TSHZ1: variants seen among roughly 807,000 people sequenced by gnomAD.
TSHZ1 encodes teashirt homolog 1.
TSHZ1 carries 12 observed loss-of-function variants against 67.1 expected under a neutral mutation model. The observed-to-expected ratio is 0.18, with a 90% CI of 0.11 to 0.29. The LOEUF is 0.29. Ranked by LOEUF, TSHZ1 falls within the 10% of genes least tolerant of loss-of-function variation. The pLI is 1.00. For missense variants in TSHZ1, 1,305 were observed against 1,413.9 expected, an observed-to-expected ratio of 0.92 and a Z score of 1.23; for synonymous variants, 632 against 622.4, an observed-to-expected ratio of 1.02 and a Z score of -0.23.
intron 1 of TSHZ1, among the ~76,000 whole-genome samples, chr18:75,224,061 T>TA (rs11347694): frequency 2.0e-4 from 23 of 117,868 alleles, no homozygotes; most frequent in African/African-American, 4.7e-4. Flanking sequence ...TTTAAACTTG[T>TA]AAAAAAAAAA....
intron 1 of TSHZ1, among the ~76,000 whole-genome samples, chr18:75,231,444 C>T (rs2022997764): frequency 6.6e-6 from 1 of 152,244 alleles, no homozygotes; most frequent in Non-Finnish European, 1.5e-5. Flanking sequence ...CTGTGAGTCT[C>T]ATTAGCATTG....
At chr18:75,228,572 C>T (rs765946634) in intron 1 of TSHZ1, among the ~76,000 whole-genome samples, 2 of 152,220 alleles carry the variant, frequency 1.3e-5, no homozygotes, top group South Asian at 2.1e-4. Context: ...GTGGGGAGAA[C>T]GCACAGTTAT....
In TSHZ1 at chr18:75,212,004, G is replaced by A. The variant is rs985700800; in HGVS notation, c.40+88G>A. On this transcript the variant is annotated intron_variant, in intron 1 of 1. Transcript: ENST00000580243. ...TCGCGGGCCGAGGTGCGGGACGTGG[G>A]CCGCGGGCCGCCCCAAGCTGGGGAG... The A allele has an allele frequency of 8.7e-6, 9 of 1,029,622 alleles. No individual in the cohort carries two copies. The African/African-American group carries it at 1.0e-4, about 12-fold the overall frequency. 63.8% of individuals were successfully genotyped at this position (1,029,622 alleles called of 1,614,324 possible). A position where few individuals can be genotyped will look rare whatever the true frequency, so the allele number is the denominator to read the frequency against.
At position 75,287,968 on chromosome 18, in the gene TSHZ1, A is replaced by T; in HGVS notation, c.2561A>T (p.Lys854Met). 1.2e-6 allele frequency: 2 copies of T among 1,614,170 alleles called. No homozygotes were observed. The highest frequency in any genetic ancestry group is 1.7e-6 in the Non-Finnish European group (2 of 1,180,026). Residue 854 changes from lysine to methionine, a missense_variant, in exon 2 of 2, where the codon AAG becomes ATG. By Grantham distance (95) the Lys-to-Met change is moderately conservative. This residue lies in a region of TSHZ1 where 909 missense variants were observed against 961.8 expected (regional missense o/e 0.95). Coordinates refer to ENST00000580243, the MANE Select transcript of TSHZ1 (RefSeq NM_001308210.2). The surrounding 1 kb of genome is among the most constrained non-coding windows in gnomAD (Gnocchi z 5.0). ...AACCTCACAGGCCGCCTGACGCCCA[A>T]GTCCTCCACGCCCTCCACAGTTTCA... ...VKNLTGRLTP[K>M]SSTPSTVSEK...
intron 1 of TSHZ1, among the ~76,000 whole-genome samples, chr18:75,222,175 G>T (rs1387175793): frequency 6.6e-6 from 1 of 151,982 alleles, no homozygotes; most frequent in South Asian, 2.1e-4. Context: ...GTTAGAGGGG[G>T]GTTGTGCTAC....
chr18:75,258,008 A>T, intron 1 of TSHZ1, among the ~76,000 whole-genome samples: 1 of 151,986 alleles, frequency 6.6e-6, no homozygotes, highest in East Asian at 1.9e-4. Context: ...GGAAGAGAGG[A>T]ATTCCCGGCC....
At chr18:75,232,793 A>T (rs2023016963) in intron 1 of TSHZ1, among the ~76,000 whole-genome samples, 2 of 152,244 alleles carry the variant, frequency 1.3e-5, no homozygotes, top group African/African-American at 4.8e-5. Context: ...TTTAGTGCAT[A>T]TACTGTATAT....
At position 75,211,007 on chromosome 18, in the gene TSHZ1, G is replaced by GA. The variant is rs1329470010; in HGVS notation, c.-870_-869insA. The GA allele has an allele frequency of 6.6e-6, 1 of 151,030 alleles. No homozygotes were observed. The highest frequency in any genetic ancestry group is 2.4e-5 in the African/African-American group (1 of 40,902). 9.4% of individuals were successfully genotyped at this position (151,030 alleles called of 1,614,324 possible). On this transcript the variant is annotated 5_prime_UTR_variant, in exon 1 of 2. The change creates a premature stop within an existing upstream ORF in the 5' untranslated region. Transcript: ENST00000580243. The stretch of plus-strand genomic sequence containing the variant: ...GTTGCCTTTTTTTTTTCTTGGAGGG[G>GA]GGGGTGCTTTTTGTGTATTTTTCAA...
At chr18:75,251,960 A>T (rs2023309637) in intron 1 of TSHZ1, among the ~76,000 whole-genome samples, 1 of 152,236 alleles carries the variant, frequency 6.6e-6, no homozygotes, top group South Asian at 2.1e-4. Flanking sequence ...AAAGAAAAAA[A>T]TTTAAAAATT....
rs1599024173 is a variant in TSHZ1 at position 75,219,778 on chromosome 18, C to T, written c.40+7862C>T. On this transcript the variant is annotated intron_variant, in intron 1 of 1. Transcript: ENST00000580243. ...TTCTAATAAGAAAATAAATGAGGGT[C>T]ATTCTTTGCACACGTGACACGAGTT... Among the ~76,000 whole-genome samples the T allele has an allele frequency of 2.0e-5, 3 of 152,328 alleles. 1 individual carries two copies. The highest frequency in any genetic ancestry group is 2.0e-4 in the Admixed American group (3 of 15,308).
intron 1 of TSHZ1, among the ~76,000 whole-genome samples, chr18:75,213,700 T>C (rs926366606): frequency 2.6e-5 from 4 of 152,192 alleles, no homozygotes; most frequent in Admixed American, 6.5e-5. Context: ...CTGGCAGCTC[T>C]TACATAAAAA....
chr18:75,264,419 T>C (rs2023466205), intron 1 of TSHZ1, among the ~76,000 whole-genome samples: 1 of 152,160 alleles, frequency 6.6e-6, no homozygotes, highest in African/African-American at 2.4e-5. Flanking sequence ...GCGGGTGGTG[T>C]TTCTGTGCCT....
chr18:75,230,407 A>G (rs1447414211), intron 1 of TSHZ1, among the ~76,000 whole-genome samples: 1 of 152,216 alleles, frequency 6.6e-6, no homozygotes, highest in Non-Finnish European at 1.5e-5. Context: ...ACAGGAAACA[A>G]AAACAGAAGT....
Position 75,286,115 on chromosome 18 carries a change from C to T in TSHZ1, c.708C>T (p.Tyr236=), listed in dbSNP as rs147174376. 125 of 1,612,738 alleles carry T rather than the reference C, an allele frequency of 7.8e-5. 3 individuals are homozygous for T. Among genetic ancestry groups the T allele is most frequent in the African/African-American group, 4.4e-4 (33 of 75,000 alleles). ...VQLYRQNNKL[Y]GSVFTGASKF... is the part of the protein sequence containing the mutation. ...TCTACCGCCAGAACAACAAGCTCTACGGCTCCGTCTTCACGGGCGCCAGCA... is the reference window on the plus strand; with the variant it reads ...TCTACCGCCAGAACAACAAGCTCTATGGCTCCGTCTTCACGGGCGCCAGCA... Residue 236 remains tyrosine, a synonymous_variant, in exon 2 of 2, where the codon TAC becomes TAT. Coordinates refer to ENST00000580243, the MANE Select transcript of TSHZ1 (RefSeq NM_001308210.2). The surrounding 1 kb of genome is among the most constrained non-coding windows in gnomAD (Gnocchi z 5.1).
intron 1 of TSHZ1, among the ~76,000 whole-genome samples, chr18:75,236,843 T>C (rs888348622): frequency 6.6e-6 from 1 of 152,222 alleles, no homozygotes; most frequent in Non-Finnish European, 1.5e-5. Flanking sequence ...CTATAGATAG[T>C]GCACACAGGT....
chr18:75,265,749 C>T (rs138564997), intron 1 of TSHZ1, among the ~76,000 whole-genome samples: 1 of 152,300 alleles, frequency 6.6e-6, no homozygotes, highest in African/African-American at 2.4e-5. Context: ...AGACCCCTTC[C>T]AAGCTCAGAA....
At chr18:75,217,397 T>C (rs1189924761) in intron 1 of TSHZ1, among the ~76,000 whole-genome samples, 1 of 152,028 alleles carries the variant, frequency 6.6e-6, no homozygotes. Flanking sequence ...TTTTTTCTAC[T>C]TTCTGTTTTT....
At chr18:75,280,613 T>C (rs1304014542) in intron 1 of TSHZ1, 7 of 308,266 alleles carry the variant, frequency 2.3e-5, no homozygotes, top group Non-Finnish European at 2.8e-5. Context: ...ATTTGTTTCC[T>C]GTGTTACTTT....
intron 1 of TSHZ1, among the ~76,000 whole-genome samples, chr18:75,271,629 G>A (rs867259356): frequency 1.5e-4 from 23 of 152,218 alleles, no homozygotes; most frequent in African/African-American, 4.6e-4. Context: ...GAGCCCCCGC[G>A]TCTCTAACTG....
Sources: allele counts gnomAD v4.1 joint callset (sites outside exome capture counted in the v4.1 genomes callset), GRCh38; gene constraint gnomAD v4.1.1; regional missense constraint gnomAD v4.1.1; non-coding constraint Gnocchi (gnomAD v3.1); transcripts MANE v1.5; gene names NCBI Gene and HGNC (gene_info 2026-07-23, HGNC 2026-07-21).